ASAP1: variants seen among roughly 807,000 people sequenced by gnomAD.
The protein encoded by ASAP1 is arf-GAP with SH3 domain, ANK repeat and PH domain-containing protein 1.
Under a neutral mutation model 145.2 loss-of-function variants are expected in ASAP1, and 43 were observed. The observed-to-expected ratio is 0.30, with a 90% CI of 0.23 to 0.38. The LOEUF is 0.38. Ranked by LOEUF, ASAP1 falls within the 10% of genes least tolerant of loss-of-function variation. The pLI is 1.00. For missense variants in ASAP1, 1,018 were observed against 1,355.3 expected, an observed-to-expected ratio of 0.75 and a Z score of 3.91; for synonymous variants, 546 against 515.5, an observed-to-expected ratio of 1.06 and a Z score of -0.80.
Position 130,214,630 on chromosome 8 carries a change from T to C in ASAP1, c.331A>G (p.Asn111Asp), listed in dbSNP as rs1281885288. ...ACAAACGCGGTGCCAAGGTCGGGGTTGTCTCGACTTAAAAAATTACTCCCA... is the reference window on the plus strand; with the variant it reads ...ACAAACGCGGTGCCAAGGTCGGGGTCGTCTCGACTTAAAAAATTACTCCCA... ...KFGSNFLSRD[N>D]PDLGTAFVKF... The change falls in exon 5 of 30, where the codon AAC becomes GAC. Residue 111 changes from asparagine (N) to aspartate (D), a missense_variant. Asn to Asp is a conservative substitution (Grantham distance 23). This residue lies in a region of ASAP1 where 106 missense variants were observed against 134.5 expected (regional missense o/e 0.79). Coordinates refer to ENST00000518721, the MANE Select transcript of ASAP1 (RefSeq NM_018482.4). 1.2e-6 allele frequency: 2 copies of C among 1,612,630 alleles called. No homozygotes were observed. The highest frequency in any genetic ancestry group is 2.7e-5 in the African/African-American group (2 of 74,850).
intron 3 of ASAP1, among the ~76,000 whole-genome samples, chr8:130,347,505 G>A (rs923408708): frequency 2.0e-5 from 3 of 152,230 alleles, no homozygotes; most frequent in African/African-American, 7.2e-5. Flanking sequence ...GAAAAATGAA[G>A]ATGAGGCCAG....
chr8:130,441,372 T>C (rs1830482919), intron 1 of ASAP1, among the ~76,000 whole-genome samples: 1 of 152,214 alleles, frequency 6.6e-6, no homozygotes, highest in African/African-American at 2.4e-5. Flanking sequence ...ATGGGGTGAC[T>C]GTTACTATTG....
At chr8:130,089,665 A>G (rs2097501389) in intron 25 of ASAP1, among the ~76,000 whole-genome samples, 1 of 152,182 alleles carries the variant, frequency 6.6e-6, no homozygotes, top group South Asian at 2.1e-4. Flanking sequence ...CAGTAATAAT[A>G]CAACACAGAC....
chr8:130,300,153 C>CAGAGAGAGAGAGAGAGAGAGAGAGAG (rs369720584), intron 3 of ASAP1, among the ~76,000 whole-genome samples: 33 of 76,926 alleles, frequency 4.3e-4, no homozygotes, highest in Non-Finnish European at 5.7e-4. Flanking sequence ...CACACACACA[C>CAGAGAGAGAGAGAGAGAGAGAGAGAG]AGAGAGAGAG....
chr8:130,123,841 G>A (rs1475048464), intron 18 of ASAP1, among the ~76,000 whole-genome samples, 172 bp downstream of exon 18: 1 of 151,608 alleles, frequency 6.6e-6, no homozygotes, highest in Non-Finnish European at 1.5e-5. Flanking sequence ...TGTTAGCCAG[G>A]ATGGTCTTGA....
intron 15 of ASAP1, among the ~76,000 whole-genome samples, chr8:130,132,576 C>T (rs1414826699): frequency 6.6e-6 from 1 of 152,186 alleles, no homozygotes; most frequent in Non-Finnish European, 1.5e-5. Context: ...AGGGTGTGTG[C>T]CCCGAGTCTA....
chr8:130,100,501 G>C (rs2097526898), intron 24 of ASAP1, among the ~76,000 whole-genome samples: 1 of 151,850 alleles, frequency 6.6e-6, no homozygotes, highest in Non-Finnish European at 1.5e-5. Flanking sequence ...AGCTAATTTT[G>C]TATTTTTAGT....
At chr8:130,341,404 T>G (rs1825372662) in intron 3 of ASAP1, among the ~76,000 whole-genome samples, 1 of 152,186 alleles carries the variant, frequency 6.6e-6, no homozygotes, top group East Asian at 1.9e-4. Flanking sequence ...GAGCAGTTAA[T>G]GGCAGAGACT....
At chr8:130,153,181 G>A (rs938682285) in intron 12 of ASAP1, among the ~76,000 whole-genome samples, 39 of 150,982 alleles carry the variant, frequency 2.6e-4, no homozygotes, top group South Asian at 1.0e-3. Context: ...CACTGCGCCC[G>A]GCTAATTTTT....
At chr8:130,116,777 T>C (rs1450393868) in intron 21 of ASAP1, 32 bp from the exon 22 acceptor site, 3 of 1,606,642 alleles carry the variant, frequency 1.9e-6, no homozygotes, top group Non-Finnish European at 2.6e-6. Flanking sequence ...TTTGCATAAT[T>C]ATCTAGGAAA....
intron 3 of ASAP1, among the ~76,000 whole-genome samples, chr8:130,288,610 A>G (rs781523999): frequency 2.0e-5 from 3 of 152,220 alleles, no homozygotes; most frequent in Non-Finnish European, 2.9e-5. Context: ...GGCAGTGTAG[A>G]GGACCCAGAG....
chr8:130,441,732 G>A (rs1830494378), intron 1 of ASAP1, among the ~76,000 whole-genome samples: 1 of 152,204 alleles, frequency 6.6e-6, no homozygotes, highest in Admixed American at 6.5e-5. Context: ...GAGGACTGGG[G>A]AGGTGTAGAG....
Position 130,125,963 on chromosome 8 carries a change from T to C in ASAP1, c.1508A>G (p.Glu503Gly). Residue 503 changes from glutamate to glycine, a missense_variant, in exon 17 of 30, where the codon GAA becomes GGA. Physicochemically the swap from Glu to Gly is moderately conservative, Grantham distance 98. Transcript: ENST00000518721. Reference protein sequence around the residue: ...SLELDKLGTSELLLAKNVGNN... With the variant: ...SLELDKLGTSGLLLAKNVGNN... ...GTACAGGTCACTACTTACCAAGAGT[T>C]CAGAAGTTCCTAATTTGTCTAGTTC... The C allele has an allele frequency of 6.2e-7, 1 of 1,612,376 alleles. No individual in the cohort carries two copies.
At chr8:130,089,554 A>C (rs1592773794) in intron 25 of ASAP1, among the ~76,000 whole-genome samples, 1 of 152,238 alleles carries the variant, frequency 6.6e-6, no homozygotes, top group East Asian at 1.9e-4. Flanking sequence ...GGTTGCCTAG[A>C]AGGTTGATCC....
chr8:130,317,651 C>T (rs1468951523), intron 3 of ASAP1, among the ~76,000 whole-genome samples: 1 of 152,182 alleles, frequency 6.6e-6, no homozygotes, highest in African/African-American at 2.4e-5. Flanking sequence ...CAGTTTAGTG[C>T]ACTTAACCTG....
chr8:130,063,518 C>T (rs949815548), intron 27 of ASAP1, among the ~76,000 whole-genome samples: 1 of 152,180 alleles, frequency 6.6e-6, no homozygotes, highest in Non-Finnish European at 1.5e-5. Flanking sequence ...CCTCAGGGTA[C>T]ACTGGCCCAG....
chr8:130,258,905 C>T lies in ASAP1; in HGVS notation c.187-21911G>A, dbSNP rs372450484. Among the ~76,000 whole-genome samples the T allele has an allele frequency of 3.2e-4, 48 of 152,314 alleles. 2 individuals are homozygous for T. In the South Asian group the frequency reaches 1.0e-2, roughly 32 times the overall value. On this transcript the variant is annotated intron_variant, in intron 3 of 29. Coordinates refer to ENST00000518721, the MANE Select transcript of ASAP1 (RefSeq NM_018482.4). ...TCGATTCCCATGTTTCTTATGCCTT[C>T]CCTACTCCTCTCCTCCCCAATTTTG...
chr8:130,161,685 C>T (rs2097669533), intron 11 of ASAP1, among the ~76,000 whole-genome samples: 1 of 152,170 alleles, frequency 6.6e-6, no homozygotes, highest in African/African-American at 2.4e-5. Context: ...GCCAGATTCC[C>T]TCCATATGAA....
intron 3 of ASAP1, among the ~76,000 whole-genome samples, chr8:130,318,170 C>A (rs930940666): frequency 2.0e-5 from 3 of 152,176 alleles, no homozygotes; most frequent in Admixed American, 2.0e-4. Flanking sequence ...TAGCCTTGAC[C>A]GCCCAGGCTC....
Sources: gnomAD v4.1 joint callset for allele counts (sites outside exome capture counted in the v4.1 genomes callset) on GRCh38, gnomAD v4.1.1 for gene constraint, gnomAD v4.1.1 regional missense constraint, MANE v1.5 for transcripts, NCBI Gene and HGNC (gene_info 2026-07-23, HGNC 2026-07-21) for gene names.